KCTD16: variants seen among roughly 807,000 people sequenced by gnomAD.
The protein encoded by KCTD16 is potassium channel tetramerization domain containing 16.
KCTD16 carries 13 observed loss-of-function variants against 33.2 expected under a neutral mutation model. The ratio of observed to expected loss-of-function variants is 0.39; its 90% CI spans 0.25 to 0.62. The LOEUF is 0.62. Ranked by LOEUF, KCTD16 falls within the 20% of genes least tolerant of loss-of-function variation. The probability of loss-of-function intolerance (pLI) is 0.50; values close to 1 mark genes in which losing one functional copy is unlikely to be tolerated. For synonymous variants in KCTD16, 197 were observed against 195.3 expected (o/e 1.01, Z -0.07); for missense variants, 441 against 525.1 (o/e 0.84, Z 1.57).
intron 3 of KCTD16, among the ~76,000 whole-genome samples, chr5:144,220,379 TA>T (rs1753705815): frequency 6.6e-6 from 1 of 152,212 alleles, no homozygotes; most frequent in Non-Finnish European, 1.5e-5. Flanking sequence ...ATATGAACTG[TA>T]AGCTTCCTGG....
At chr5:144,454,538 A>G (rs1430635243) in intron 3 of KCTD16, among the ~76,000 whole-genome samples, 1 of 150,760 alleles carries the variant, frequency 6.6e-6, no homozygotes, top group Admixed American at 6.6e-5. Context: ...TCGGAAAGAT[A>G]TTTCCTCATA....
At chr5:144,233,475 A>G (rs1255936811) in intron 3 of KCTD16, among the ~76,000 whole-genome samples, 1 of 152,116 alleles carries the variant, frequency 6.6e-6, no homozygotes, top group Admixed American at 6.6e-5. Flanking sequence ...GAAAAAAGAA[A>G]AAGAGGAAAG....
intron 2 of KCTD16, among the ~76,000 whole-genome samples, chr5:144,182,270 G>A (rs1034894385): frequency 6.6e-6 from 1 of 152,078 alleles, no homozygotes; most frequent in African/African-American, 2.4e-5. Flanking sequence ...CTCTTGCCAG[G>A]TGCCAGCACC....
chr5:144,480,530 A>T lies in KCTD16; in HGVS notation c.*6416A>T, dbSNP rs558484998. On this transcript the variant is annotated 3_prime_UTR_variant, in exon 4 of 4. Transcript: ENST00000512467. ...AATTGCAGCCAGTGATCAGTGGTTT[A>T]TCTATACCCTTTAGGTGAGAGACAG... 6.6e-6 allele frequency: 1 copy of T among 152,132 alleles called. No homozygotes were observed. Among genetic ancestry groups the T allele is most frequent in the South Asian group, 2.1e-4 (1 of 4,826 alleles). The allele number at this position is 152,132 out of a possible 1,614,324, so 9.4% of individuals were successfully genotyped here.
chr5:144,441,984 T>C (rs963381161), intron 3 of KCTD16, among the ~76,000 whole-genome samples: 5 of 152,120 alleles, frequency 3.3e-5, no homozygotes, highest in Admixed American at 6.6e-5. Context: ...TAAAAAAGTT[T>C]AATATTTTTA....
At chr5:144,405,185 A>G (rs1279865620) in intron 3 of KCTD16, among the ~76,000 whole-genome samples, 3 of 152,214 alleles carry the variant, frequency 2.0e-5, no homozygotes, top group African/African-American at 7.2e-5. Flanking sequence ...GCTTTAAATC[A>G]TCTTATTATA....
intron 3 of KCTD16, among the ~76,000 whole-genome samples, chr5:144,325,990 A>G (rs866772843): frequency 6.6e-6 from 1 of 152,174 alleles, no homozygotes; most frequent in African/African-American, 2.4e-5. Context: ...ACACCTTATC[A>G]GGAGAAGATT....
intron 3 of KCTD16, among the ~76,000 whole-genome samples, chr5:144,212,624 G>A (rs940914510): frequency 1.3e-5 from 2 of 152,142 alleles, no homozygotes; most frequent in African/African-American, 4.8e-5. Context: ...GGAAAGGAGC[G>A]ACTACGCATA....
intron 3 of KCTD16, among the ~76,000 whole-genome samples, chr5:144,215,281 G>C (rs1178835683): frequency 1.3e-5 from 2 of 152,158 alleles, no homozygotes; most frequent in African/African-American, 2.4e-5. Context: ...GAAGCTGGAT[G>C]TGACCAGGGT....
chr5:144,462,800 C>T (rs139261497), intron 3 of KCTD16, among the ~76,000 whole-genome samples: 1 of 152,096 alleles, frequency 6.6e-6, no homozygotes, highest in African/African-American at 2.4e-5. Flanking sequence ...AGTGGCACAC[C>T]CTTGCTTTCA....
At chr5:144,195,627 C>T (rs1561525093) in intron 2 of KCTD16, among the ~76,000 whole-genome samples, 2 of 152,142 alleles carry the variant, frequency 1.3e-5, no homozygotes, top group Non-Finnish European at 2.9e-5. Context: ...ATTAGCTGTA[C>T]GGTAGAGTGC....
At chr5:144,191,005 G>A (rs528798780) in intron 2 of KCTD16, among the ~76,000 whole-genome samples, 5 of 152,326 alleles carry the variant, frequency 3.3e-5, no homozygotes, top group East Asian at 3.9e-4. Flanking sequence ...GTTAATGTGC[G>A]ACATTCAATG....
chr5:144,432,282 T>C (rs1368412910), intron 3 of KCTD16, among the ~76,000 whole-genome samples: 1 of 152,172 alleles, frequency 6.6e-6, no homozygotes, highest in East Asian at 1.9e-4. Context: ...TAGCTCCTTT[T>C]ATGTGGTAGG....
chr5:144,228,505 G>A (rs1406457678), intron 3 of KCTD16, among the ~76,000 whole-genome samples: 1 of 152,162 alleles, frequency 6.6e-6, no homozygotes, highest in Admixed American at 6.6e-5. Flanking sequence ...TCGTAGCAGA[G>A]GAACTAGGAA....
intron 3 of KCTD16, among the ~76,000 whole-genome samples, chr5:144,266,842 A>T (rs1278908446): frequency 6.6e-6 from 1 of 152,192 alleles, no homozygotes; most frequent in African/African-American, 2.4e-5. Flanking sequence ...AATTCATTGA[A>T]GCAGACCTTT....
At chr5:144,416,911 A>G (rs2126958091) in intron 3 of KCTD16, among the ~76,000 whole-genome samples, 1 of 152,194 alleles carries the variant, frequency 6.6e-6, no homozygotes, top group South Asian at 2.1e-4. Context: ...CCCTAACATA[A>G]TGTTTGGAAG....
At chr5:144,232,631 G>A (rs1369974620) in intron 3 of KCTD16, among the ~76,000 whole-genome samples, 3 of 152,048 alleles carry the variant, frequency 2.0e-5, no homozygotes, top group Non-Finnish European at 4.4e-5. Context: ...TACTTTCTAA[G>A]GTAGATTCTT....
chr5:144,386,218 T>G (rs1263354123), intron 3 of KCTD16, among the ~76,000 whole-genome samples: 1 of 152,188 alleles, frequency 6.6e-6, no homozygotes, highest in South Asian at 2.1e-4. Context: ...GAAAGGGCCC[T>G]CTGTTGTGAA....
chr5:144,472,565 A>G (rs916917682), intron 3 of KCTD16, among the ~76,000 whole-genome samples: 1 of 152,232 alleles, frequency 6.6e-6, no homozygotes, highest in African/African-American at 2.4e-5. Flanking sequence ...CACTGGCAAG[A>G]CTAGCTTCAG....
Sources: allele counts gnomAD v4.1 joint callset (sites outside exome capture counted in the v4.1 genomes callset), GRCh38; gene constraint gnomAD v4.1.1; transcripts MANE v1.5; gene names NCBI Gene and HGNC (gene_info 2026-07-23, HGNC 2026-07-21).